The following EDC4 variants were observed in gnomAD, a reference collection of about 807,000 sequenced individuals.
EDC4 encodes enhancer of mRNA decapping 4.
EDC4 carries 64 observed loss-of-function variants against 155.8 expected under a neutral mutation model. The ratio of observed to expected loss-of-function variants is 0.41; its 90% confidence interval spans 0.34 to 0.51. The LOEUF (loss-of-function observed/expected upper bound fraction) is 0.51, where lower values mean the gene tolerates loss of function less well. Among genes scored for constraint, EDC4 ranks in the 20% least tolerant of loss-of-function variants. EDC4 has a pLI of 0.19. For synonymous variants in EDC4, 684 were observed against 716.8 expected, an observed-to-expected ratio of 0.95 and a Z score of 0.73; for missense variants, 1,303 against 1,812.5, an observed-to-expected ratio of 0.72 and a Z score of 5.10.
chr16:67,882,809 C>T lies in EDC4; in HGVS notation c.3573C>T (p.Thr1191=), dbSNP rs540460629. 1.8e-4 allele frequency: 291 copies of T among 1,614,090 alleles called. No homozygotes were observed. The highest frequency in any genetic ancestry group is 3.8e-4 in the East Asian group (17 of 44,874). Residue 1191 remains threonine, a synonymous_variant, in exon 26 of 29, where the codon ACC becomes ACT. Transcript: ENST00000358933. This position sits in a 1 kb window ranked among gnomAD's most constrained non-coding sequence, Gnocchi z 7.2. ...GTGCCACTGAGCAGATGGCAGCCAC[C>T]GTGGCCGGCAGTGTTCGTGCTGAGG... The part of the protein sequence containing the change: ...LQSATEQMAA[T]VAGSVRAEVQ...
chr16:67,883,738 G>A lies in EDC4; in HGVS notation c.4013+7G>A. On this transcript the variant is annotated splice_region_variant and intron_variant, in intron 28 of 28. Transcript: ENST00000358933. The surrounding 1 kb of genome is among the most constrained non-coding windows in gnomAD (Gnocchi z 5.3). The stretch of plus-strand genomic sequence containing the variant: ...GAACTGACCTCAAGCTCAGGTAAGT[G>A]GGGACAGCCAGGGATGGGGAGATGA... 6.2e-7 allele frequency: 1 copy of A among 1,613,846 alleles called. No homozygotes were observed. The highest frequency in any genetic ancestry group is 8.5e-7 in the Non-Finnish European group (1 of 1,179,912).
rs1454490757 is a variant in EDC4 at position 67,879,138 on chromosome 16, G to A, written c.1468+1G>A. 2 of 1,613,750 alleles carry A rather than the reference G, an allele frequency of 1.2e-6. No homozygotes were observed. The highest frequency in any genetic ancestry group is 1.3e-5 in the African/African-American group (1 of 75,072). On this transcript the variant is annotated splice_donor_variant, in intron 12 of 28. Transcript: ENST00000358933. LOFTEE classifies it high-confidence loss of function. This position sits in a 1 kb window ranked among gnomAD's most constrained non-coding sequence, Gnocchi z 6.0. ...GAGGAAAATGACAGCCTGGGTGCTG[G>A]TGAGCTGCCTCAGGGTCAGAGCTAT...
Position 67,873,358 on chromosome 16 carries a change from CG to C in EDC4, c.82+20del, listed in dbSNP as rs1476952493. 2.1e-6 allele frequency: 3 copies of C among 1,434,406 alleles called. No homozygotes were observed. The highest frequency in any genetic ancestry group is 1.8e-6 in the Non-Finnish European group (2 of 1,098,376). The allele number at this position is 1,434,406 out of a possible 1,614,324, so 88.9% of individuals were successfully genotyped here. The stretch of plus-strand genomic sequence containing the variant: ...GCCCGCGGGCGGTGAGCGGGGGTTG[CG>C]GGGGTGGGCCCCAGGCGAGCTGACA... On this transcript the variant is annotated intron_variant, in intron 1 of 28. Coordinates refer to ENST00000358933, the MANE Select transcript of EDC4 (RefSeq NM_014329.5).
Position 67,883,154 on chromosome 16 carries a change from C to T in EDC4, c.3826C>T (p.His1276Tyr), listed in dbSNP as rs1449630122. 6.3e-7 allele frequency: 1 copy of T among 1,591,716 alleles called. No homozygotes were observed. The highest frequency in any genetic ancestry group is 1.8e-5 in the Admixed American group (1 of 56,568). Residue 1276 changes from histidine to tyrosine, a missense_variant, in exon 27 of 29, where the codon CAC (histidine) becomes TAC (tyrosine). His to Tyr is a moderately conservative substitution (Grantham distance 83). Transcript: ENST00000358933. The surrounding 1 kb of genome is among the most constrained non-coding windows in gnomAD (Gnocchi z 5.3). ...TATCCTGCAGCTGCTGCAGCAGGGC[C>T]ACCTCAATCAGGCCTTCCAGCAGGT... ...AHILQLLQQGHLNQAFQQALT... is the reference protein window; with the variant it reads ...AHILQLLQQGYLNQAFQQALT...
chr16:67,876,040 T>A lies in EDC4; in HGVS notation c.178T>A (p.Ser60Thr), dbSNP rs1177471060. ...PDPLCSGDST[S>T]ANKTGLRTMP... ...CCCGCTCTGCTCAGGTGATAGTACC[T>A]CAGCAAACAAGACTGGTCTTCGGAC... The change falls in exon 2 of 29, where the codon TCA (serine) becomes ACA (threonine). Residue 60 changes from serine to threonine, a missense_variant. Physicochemically the swap from Ser to Thr is moderately conservative, Grantham distance 58. Around this residue, in one of 5 missense-constraint regions of EDC4, gnomAD observed 99 missense variants for 121.3 expected, o/e 0.82. Transcript: ENST00000358933. This position sits in a 1 kb window ranked among gnomAD's most constrained non-coding sequence, Gnocchi z 5.8. The A allele has an allele frequency of 1.9e-6, 3 of 1,614,204 alleles. No individual in the cohort carries two copies. The highest frequency in any genetic ancestry group is 1.7e-5 in the Admixed American group (1 of 60,028).
intron 1 of EDC4, chr16:67,873,577 A>C: frequency 2.5e-6 from 1 of 406,966 alleles, no homozygotes; most frequent in Non-Finnish European, 4.3e-6. Flanking sequence ...GTTGAAGGTG[A>C]GGCGCCTTCT....
rs1211266452 is a variant in EDC4, at chr16:67,879,029, C to T, written c.1360C>T (p.Leu454=). The change falls in exon 12 of 29, where the codon CTG becomes TTG. Residue 454 remains leucine (L), a synonymous_variant. Transcript: ENST00000358933. The surrounding 1 kb of genome is among the most constrained non-coding windows in gnomAD (Gnocchi z 6.0). ...CTGCTTCAGCTCCATCTCGGAGTTC[C>T]TGCTCACCCACCCTGTGCTGAGCTT... ...HACFSSISEF[L]LTHPVLSFGI... 1.2e-6 allele frequency: 2 copies of T among 1,612,630 alleles called. No homozygotes were observed. The highest frequency in any genetic ancestry group is 1.7e-6 in the Non-Finnish European group (2 of 1,179,946).
rs747711628 is a variant in EDC4 at position 67,881,993 on chromosome 16, G to A, written c.3044G>A (p.Arg1015Gln). Residue 1015 changes from arginine (R) to glutamine (Q), a missense_variant, in exon 23 of 29, where the codon CGG becomes CAG. Around this residue, in one of 5 missense-constraint regions of EDC4, gnomAD observed 527 missense variants for 757.0 expected, o/e 0.70. Transcript: ENST00000358933. The surrounding 1 kb of genome is among the most constrained non-coding windows in gnomAD (Gnocchi z 5.4). ...CGAGCACTGGCTGAGGGGCAGCAGC[G>A]GGGAGGGCAGCTGCAGGAGCAGCTG... ...LERALAEGQQ[R>Q]GGQLQEQLTQ... 2.5e-6 allele frequency: 4 copies of A among 1,610,716 alleles called. No individual in the cohort carries two copies. Among genetic ancestry groups the A allele is most frequent in the South Asian group, 1.1e-5 (1 of 90,856 alleles).
rs1158223496 is a variant in EDC4 at position 67,878,590 on chromosome 16, GA to G, written c.1144del (p.Met382CysfsTer23). On this transcript the variant is annotated frameshift_variant, in exon 10 of 29. Transcript: ENST00000358933. LOFTEE classifies it high-confidence loss of function. The surrounding 1 kb of genome is among the most constrained non-coding windows in gnomAD (Gnocchi z 5.2). ...TGADQNRELK[M>X]WCTVSWTCLQ... The stretch of plus-strand genomic sequence containing the variant: ...GTGCTGACCAGAACCGAGAGTTAAA[GA>G]TGTGGTGTACAGTATCCTGGACCTG... 1.9e-6 allele frequency: 3 copies of G among 1,614,100 alleles called. No homozygotes were observed. Among genetic ancestry groups the G allele is most frequent in the Non-Finnish European group, 2.5e-6 (3 of 1,180,034 alleles).
At position 67,880,873 on chromosome 16, in the gene EDC4, A is replaced by G. The variant is rs1295352219; in HGVS notation, c.2414A>G (p.His805Arg). The G allele has an allele frequency of 6.2e-7, 1 of 1,613,896 alleles. No individual in the cohort carries two copies. The highest frequency in any genetic ancestry group is 1.7e-5 in the Admixed American group (1 of 60,030). Residue 805 changes from histidine to arginine, a missense_variant, in exon 18 of 29, where the codon CAT becomes CGT. Physicochemically the swap from His to Arg is conservative, Grantham distance 29 (BLOSUM62 0). Around this residue, in one of 5 missense-constraint regions of EDC4, gnomAD observed 391 missense variants for 445.4 expected, o/e 0.88. Transcript: ENST00000358933. This position sits in a 1 kb window ranked among gnomAD's most constrained non-coding sequence, Gnocchi z 5.2. ...LDGGPGDGDR[H>R]NTPSLLEAAL... is the part of the protein sequence containing the mutation. ...GGAGGCCCTGGGGATGGAGATCGGC[A>G]TAATACCCCCTCCCTCCTGGAGGCA...
In EDC4 at chr16:67,877,850, G is replaced by A; in HGVS notation, c.894+5G>A. The A allele has an allele frequency of 4.3e-6, 7 of 1,613,738 alleles. No homozygotes were observed. Among genetic ancestry groups the A allele is most frequent in the Non-Finnish European group, 5.1e-6 (6 of 1,179,994 alleles). On this transcript the variant is annotated splice_donor_5th_base_variant and intron_variant, in intron 7 of 28. Transcript: ENST00000358933. The surrounding 1 kb of genome is among the most constrained non-coding windows in gnomAD (Gnocchi z 4.9). ...GTGGTAAAAGGTCATAGCACGGTAA[G>A]CCTGTGACTGCCTGCCTCCCCTGCC...
At position 67,880,657 on chromosome 16, in the gene EDC4, TCTC is replaced by T. The variant is rs2151305663; in HGVS notation, c.2202_2204del (p.Ser735del). On this transcript the variant is annotated inframe_deletion, in exon 18 of 29. Coordinates refer to ENST00000358933, the MANE Select transcript of EDC4 (RefSeq NM_014329.5). The surrounding 1 kb of genome is among the most constrained non-coding windows in gnomAD (Gnocchi z 5.2). ...AGCCGCACTCGTTCCCCTGATGTCA[TCTC>T]CTCAGCTTCCACTGCCCTGTCCCAG... 6.2e-7 allele frequency: 1 copy of T among 1,614,166 alleles called. No homozygotes were observed. The highest frequency in any genetic ancestry group is 8.5e-7 in the Non-Finnish European group (1 of 1,180,036).
chr16:67,881,527 G>A lies in EDC4; in HGVS notation c.2820G>A (p.Glu940=), dbSNP rs117949309. Reference sequence around the variant, plus strand: ...CAGCCATGGGATCCCGGCTCACAGAGCACCAGGTAAGTGAATGAGCCCACT... The same window carrying A: ...CAGCCATGGGATCCCGGCTCACAGAACACCAGGTAAGTGAATGAGCCCACT... ...GDAAMGSRLT[E]HQVAEPPEDW... is the part of the protein sequence containing the mutation. The change falls in exon 21 of 29, where the codon GAG becomes GAA. Residue 940 remains glutamate, a synonymous_variant. Transcript: ENST00000358933. This position sits in a 1 kb window ranked among gnomAD's most constrained non-coding sequence, Gnocchi z 5.4. 1.2e-6 allele frequency: 2 copies of A among 1,613,924 alleles called. No individual in the cohort carries two copies. The highest frequency in any genetic ancestry group is 4.5e-5 in the East Asian group (2 of 44,878).
chr16:67,878,526 T>G lies in EDC4; in HGVS notation c.1089-10T>G. The G allele has an allele frequency of 6.2e-7, 1 of 1,614,248 alleles. No individual in the cohort carries two copies. The highest frequency in any genetic ancestry group is 1.1e-5 in the South Asian group (1 of 91,086). On this transcript the variant is annotated splice_polypyrimidine_tract_variant and intron_variant, in intron 9 of 28. Transcript: ENST00000358933. This position sits in a 1 kb window ranked among gnomAD's most constrained non-coding sequence, Gnocchi z 5.2. The stretch of plus-strand genomic sequence containing the variant: ...CCCAGCCAGTCACTCACTGCCTTGT[T>G]GCCTTGCAGTGTCCCTTTCTGGAGG...
rs538704143 is a variant in EDC4, at chr16:67,876,396, C to T, written c.240-92C>T. On this transcript the variant is annotated intron_variant, in intron 2 of 28. Coordinates refer to ENST00000358933, the MANE Select transcript of EDC4 (RefSeq NM_014329.5). The surrounding 1 kb of genome is among the most constrained non-coding windows in gnomAD (Gnocchi z 5.8). ...AAGCTGACATTGGACTAGATACCTT[C>T]CCCAGTCTGGCTATGTCCTCGCTTC... 1 of 1,527,284 alleles carries T rather than the reference C, an allele frequency of 6.5e-7. No individual in the cohort carries two copies. Among genetic ancestry groups the T allele is most frequent in the South Asian group, 1.3e-5 (1 of 79,114 alleles). The allele number at this position is 1,527,284 out of a possible 1,614,324, so 94.6% of individuals were successfully genotyped here. A position where few individuals can be genotyped will look rare whatever the true frequency, so the allele number is the denominator to read the frequency against.
At position 67,880,322 on chromosome 16, in the gene EDC4, C is replaced by G; in HGVS notation, c.2097+106C>G. 1 of 1,469,494 alleles carries G rather than the reference C, an allele frequency of 6.8e-7. No individual in the cohort carries two copies. The highest frequency in any genetic ancestry group is 9.0e-7 in the Non-Finnish European group (1 of 1,105,316). 91.0% of individuals were successfully genotyped at this position (1,469,494 alleles called of 1,614,324 possible). On this transcript the variant is annotated intron_variant, in intron 17 of 28. Transcript: ENST00000358933. The surrounding 1 kb of genome is among the most constrained non-coding windows in gnomAD (Gnocchi z 5.2). ...CCCCTGCTGCTGATCCTGCTCTACC[C>G]GACATGGTCCGTGTTTCCCTGAGGT...
Position 67,877,506 on chromosome 16 carries a change from C to T in EDC4, c.642-3C>T. 6.2e-7 allele frequency: 1 copy of T among 1,614,132 alleles called. No individual in the cohort carries two copies. The highest frequency in any genetic ancestry group is 8.5e-7 in the Non-Finnish European group (1 of 1,180,010). ...TCTATCTAGCCCTTAACACCCTGCTCAGAGAAGAGATCTTGGTCCATATTC... is the reference window on the plus strand; with the variant it reads ...TCTATCTAGCCCTTAACACCCTGCTTAGAGAAGAGATCTTGGTCCATATTC... On this transcript the variant is annotated splice_polypyrimidine_tract_variant and splice_region_variant and intron_variant, in intron 5 of 28. Coordinates refer to ENST00000358933, the MANE Select transcript of EDC4 (RefSeq NM_014329.5). The surrounding 1 kb of genome is among the most constrained non-coding windows in gnomAD (Gnocchi z 4.9).
rs377042209 is a variant in EDC4 at position 67,880,868 on chromosome 16, T to A, written c.2409T>A (p.Asp803Glu). 1.3e-5 allele frequency: 21 copies of A among 1,613,712 alleles called. No homozygotes were observed. The highest frequency in any genetic ancestry group is 1.8e-5 in the Non-Finnish European group (21 of 1,179,984). The change falls in exon 18 of 29, where the codon GAT (aspartate) becomes GAA (glutamate). Residue 803 changes from aspartate (D) to glutamate (E), a missense_variant. Around this residue, in one of 5 missense-constraint regions of EDC4, gnomAD observed 391 missense variants for 445.4 expected, o/e 0.88. Coordinates refer to ENST00000358933, the MANE Select transcript of EDC4 (RefSeq NM_014329.5). The surrounding 1 kb of genome is among the most constrained non-coding windows in gnomAD (Gnocchi z 5.2). ...LGLDGGPGDG[D>E]RHNTPSLLEA... Reference sequence around the variant, plus strand: ...TTGATGGAGGCCCTGGGGATGGAGATCGGCATAATACCCCCTCCCTCCTGG... The same window carrying A: ...TTGATGGAGGCCCTGGGGATGGAGAACGGCATAATACCCCCTCCCTCCTGG...
In EDC4 at chr16:67,880,820, C is replaced by G. The variant is rs779743865; in HGVS notation, c.2361C>G (p.Pro787=). ...TGTCCCCACGGCCCCGGCCAGGGCC[C>G]GAGCTCGGCCCCCAGCTCGGGCTTG... is the stretch of plus-strand genomic sequence containing the variant. The part of the protein sequence containing the change: ...HLLSPRPRPG[P]ELGPQLGLDG... Residue 787 remains proline (P), a synonymous_variant, in exon 18 of 29, where the codon CCC becomes CCG. Transcript: ENST00000358933. The surrounding 1 kb of genome is among the most constrained non-coding windows in gnomAD (Gnocchi z 5.2). The G allele has an allele frequency of 6.2e-7, 1 of 1,613,934 alleles. No homozygotes were observed. The highest frequency in any genetic ancestry group is 1.7e-4 in the Middle Eastern group (1 of 6,060).
Sources: gnomAD v4.1 joint callset for allele counts on GRCh38, gnomAD v4.1.1 for gene constraint, gnomAD v4.1.1 regional missense constraint, Gnocchi (gnomAD v3.1) non-coding constraint, MANE v1.5 for transcripts, NCBI Gene and HGNC (gene_info 2026-07-23, HGNC 2026-07-21) for gene names.